The following GET4 variants were observed in gnomAD, a reference collection of about 807,000 sequenced individuals.
GET4 encodes Golgi to ER traffic protein 4 homolog.
Under a neutral mutation model 40.0 loss-of-function variants are expected in GET4, and 20 were observed. The observed-to-expected ratio is 0.50, with a 90% CI of 0.35 to 0.73. GET4 has a LOEUF of 0.73. GET4 is among the 30% of genes least tolerant of loss of function. The pLI is 0.01. For synonymous variants in GET4, 280 were observed against 194.6 expected, an observed-to-expected ratio of 1.44 and a Z score of -3.65; for missense variants, 557 against 454.0, an observed-to-expected ratio of 1.23 and a Z score of -2.06.
chr7:882,718 C>T (rs926038480), intron 1 of GET4: 8 of 152,604 alleles, frequency 5.2e-5, no homozygotes, highest in African/African-American at 1.9e-4. Context: ...TCATCACCTG[C>T]TTTCTCCAGA....
chr7:890,357 T>C (rs10246648), intron 4 of GET4, among the ~76,000 whole-genome samples: 144 of 10,020 alleles, frequency 0.014, 24 homozygotes, highest in South Asian at 0.047. Context: ...GTGGAGGGAG[T>C]GCGAGCGGGT....
intron 6 of GET4, 39 bp from the exon 7 acceptor site, chr7:893,701 T>A: frequency 1.4e-6 from 2 of 1,395,462 alleles, no homozygotes; most frequent in Non-Finnish European, 2.0e-6. Flanking sequence ...GTGGTCCTGT[T>A]CTGCTCACCC....
At chr7:891,693 T>C (rs1562897272) in intron 5 of GET4, among the ~76,000 whole-genome samples, 1 of 152,248 alleles carries the variant, frequency 6.6e-6, no homozygotes, top group Non-Finnish European at 1.5e-5. Flanking sequence ...GGGGATTTGA[T>C]GTAGGATTTG....
At chr7:893,371 C>T (rs1204362016) in intron 6 of GET4, among the ~76,000 whole-genome samples, 2 of 36,472 alleles carry the variant, frequency 5.5e-5, no homozygotes, top group African/African-American at 1.0e-4. Flanking sequence ...TGGGTGTGGG[C>T]GTGGTGTGTG....
intron 4 of GET4, among the ~76,000 whole-genome samples, chr7:889,660 G>T (rs1023218030): frequency 1.3e-5 from 2 of 148,774 alleles, no homozygotes; most frequent in South Asian, 2.1e-4. Flanking sequence ...GAGTGTGAGC[G>T]GGTGTTAGGA....
chr7:896,017 T>C lies in GET4; in HGVS notation c.*595T>C, dbSNP rs932558613. ...GCGGCGGGACGGTGCCTACGGGTACTTGCAGCTGTGTCCCATGTGGCATCC... is the reference window on the plus strand; with the variant it reads ...GCGGCGGGACGGTGCCTACGGGTACCTGCAGCTGTGTCCCATGTGGCATCC... On this transcript the variant is annotated 3_prime_UTR_variant, in exon 9 of 9. Transcript: ENST00000265857. The C allele has an allele frequency of 6.6e-6, 1 of 152,242 alleles. No homozygotes were observed. The highest frequency in any genetic ancestry group is 2.4e-5 in the African/African-American group (1 of 41,458). The allele number at this position is 152,242 out of a possible 1,614,324, so 9.4% of individuals were successfully genotyped here.
Position 895,582 on chromosome 7 carries a change from C to A in GET4, c.*160C>A. The A allele has an allele frequency of 2.0e-6, 1 of 494,378 alleles. No homozygotes were observed. The highest frequency in any genetic ancestry group is 2.7e-5 in the South Asian group (1 of 36,768). 30.6% of individuals were successfully genotyped at this position (494,378 alleles called of 1,614,324 possible). On this transcript the variant is annotated 3_prime_UTR_variant, in exon 9 of 9. Transcript: ENST00000265857. Reference sequence around the variant, plus strand: ...GTTTCTGTGCGGCGGCTCAGGGTGGCGCGGCTGCTGCTCACTGTGCTGCTG... The same window carrying A: ...GTTTCTGTGCGGCGGCTCAGGGTGGAGCGGCTGCTGCTCACTGTGCTGCTG...
rs534604944 is a variant in GET4 at position 888,380 on chromosome 7, C to T, written c.466+861C>T. On this transcript the variant is annotated intron_variant, in intron 4 of 8. Coordinates refer to ENST00000265857, the MANE Select transcript of GET4 (RefSeq NM_015949.3). ...TGTCCCTGGTCATGCGAAACGCATG[C>T]CCATCCGACCTCCGACCTTGTTCCT... 3.0e-4 allele frequency among the ~76,000 whole-genome samples: 45 copies of T among 152,318 alleles called. 1 individual carries two copies. The South Asian group carries it at 8.1e-3, about 27-fold the overall frequency.
At chr7:892,182 G>C (rs913752881) in intron 5 of GET4, 96 bp from the exon 6 acceptor site, 6 of 1,290,510 alleles carry the variant, frequency 4.6e-6, no homozygotes, top group Non-Finnish European at 2.2e-6. Flanking sequence ...AACCGTGGGC[G>C]CACGAGCTTG....
In GET4 at chr7:895,753, G is replaced by A. The variant is rs1057335623; in HGVS notation, c.*331G>A. 1.6e-5 allele frequency: 3 copies of A among 186,736 alleles called. No homozygotes were observed. The highest frequency in any genetic ancestry group is 1.6e-4 in the South Asian group (1 of 6,258). The allele number at this position is 186,736 out of a possible 1,614,324, so 11.6% of individuals were successfully genotyped here. A position where few individuals can be genotyped will look rare whatever the true frequency, so the allele number is the denominator to read the frequency against. ...GGAGGGCTGATGGGCAGCACAGGAG[G>A]CCCGTCCTCGGGGGGCTGCGCACAT... On this transcript the variant is annotated 3_prime_UTR_variant, in exon 9 of 9. Coordinates refer to ENST00000265857, the MANE Select transcript of GET4 (RefSeq NM_015949.3).
intron 4 of GET4, among the ~76,000 whole-genome samples, chr7:889,086 T>A (rs1844254937): frequency 6.6e-6 from 1 of 152,224 alleles, no homozygotes; most frequent in Admixed American, 6.5e-5. Flanking sequence ...AGGAGGGATG[T>A]ACGTGTCTCA....
chr7:894,168 C>G (rs1393381064), intron 8 of GET4, among the ~76,000 whole-genome samples, 197 bp downstream of exon 8: 1 of 151,270 alleles, frequency 6.6e-6, no homozygotes, highest in Non-Finnish European at 1.5e-5. Context: ...GCTCGCAGCC[C>G]CGTCTCCACT....
At position 893,758 on chromosome 7, in the gene GET4, C is replaced by T. The variant is rs771060510; in HGVS notation, c.765C>T (p.Phe255=). ...LAVDGGKLTV[F]TVLCEQYQPS... ...GTCCCAGTGGGAAGCTGACGGTGTT[C>T]ACTGTGCTGTGTGAGCAGTACCAGC... Residue 255 remains phenylalanine (F), a synonymous_variant, in exon 7 of 9, where the codon TTC becomes TTT. Transcript: ENST00000265857. The T allele has an allele frequency of 3.1e-6, 5 of 1,608,242 alleles. No homozygotes were observed. The highest frequency in any genetic ancestry group is 1.3e-5 in the African/African-American group (1 of 74,858).
chr7:887,481 C>A lies in GET4; in HGVS notation c.428C>A (p.Pro143His), dbSNP rs147234929. The A allele has an allele frequency of 3.2e-6, 5 of 1,576,432 alleles. No homozygotes were observed. The highest frequency in any genetic ancestry group is 3.4e-4 in the Middle Eastern group (2 of 5,896). ...SSGGSGKLGH[P>H]RLHQLLALTL... ...GGGGGCTCCGGGAAGCTGGGCCACC[C>A]CCGGCTGCACCAGCTGCTGGCCCTC... Residue 143 changes from proline (P) to histidine (H), a missense_variant, in exon 4 of 9, where the codon CCC (proline) becomes CAC (histidine). Pro to His is a moderately conservative substitution (Grantham distance 77, BLOSUM62 -2). Transcript: ENST00000265857.
Position 886,562 on chromosome 7 carries a change from C to G in GET4, c.235-7C>G, listed in dbSNP as rs780246072. The G allele has an allele frequency of 4.3e-5, 69 of 1,605,994 alleles. 1 individual carries two copies. The highest frequency in any genetic ancestry group is 5.7e-5 in the Non-Finnish European group (67 of 1,173,276). On this transcript the variant is annotated splice_region_variant and splice_polypyrimidine_tract_variant and intron_variant, in intron 2 of 8. Transcript: ENST00000265857. ...TCTTGATTCTTGTGTGTTGCTTTCT[C>G]TTGTAGCAAAACAGTGCAGCAGACT...
chr7:893,274 TGTG>T (rs1235271197), intron 6 of GET4, among the ~76,000 whole-genome samples: 2 of 110,064 alleles, frequency 1.8e-5, no homozygotes, highest in African/African-American at 3.6e-5. Context: ...GGCGCGGTGG[TGTG>T]TGCAGGTGAG....
chr7:892,433 C>T lies in GET4; in HGVS notation c.746+15C>T, dbSNP rs767158605. ...GCTGTGGACGGGTGCGTCTTGGGAT[C>T]CTGCAGGGGGAGGGGGCTGTGAATG... On this transcript the variant is annotated intron_variant, in intron 6 of 8. Transcript: ENST00000265857. 57 of 1,583,154 alleles carry T rather than the reference C, an allele frequency of 3.6e-5. No homozygotes were observed. The highest frequency in any genetic ancestry group is 5.4e-5 in the African/African-American group (4 of 74,368).
At position 895,331 on chromosome 7, in the gene GET4, C is replaced by T. The variant is rs199780776; in HGVS notation, c.896-3C>T. ...GTGACTGCCACGGTGTTCTTCTTTCCAGGGAACCTTCTGACCAGCCTCATG... is the reference window on the plus strand; with the variant it reads ...GTGACTGCCACGGTGTTCTTCTTTCTAGGGAACCTTCTGACCAGCCTCATG... On this transcript the variant is annotated splice_region_variant and splice_polypyrimidine_tract_variant and intron_variant, in intron 8 of 8. Coordinates refer to ENST00000265857, the MANE Select transcript of GET4 (RefSeq NM_015949.3). 236 of 1,525,930 alleles carry T rather than the reference C, an allele frequency of 1.5e-4. 1 individual carries two copies. Among genetic ancestry groups the T allele is most frequent in the Non-Finnish European group, 2.1e-4 (228 of 1,105,712 alleles). 94.5% of individuals were successfully genotyped at this position (1,525,930 alleles called of 1,614,324 possible).
chr7:892,858 G>C (rs555430626), intron 6 of GET4, among the ~76,000 whole-genome samples: 2 of 151,488 alleles, frequency 1.3e-5, no homozygotes, highest in Admixed American at 6.6e-5. Flanking sequence ...GGGTAGTTGG[G>C]GTGCGTGCAG....
Sources: gnomAD v4.1 joint callset for allele counts (sites outside exome capture counted in the v4.1 genomes callset) on GRCh38, gnomAD v4.1.1 for gene constraint, MANE v1.5 for transcripts, NCBI Gene and HGNC (gene_info 2026-07-23, HGNC 2026-07-21) for gene names.